The following GPR149 variants were observed in gnomAD, a reference collection of about 807,000 sequenced individuals.
GPR149 encodes G protein-coupled receptor 149.
A neutral mutation model predicts 50.2 loss-of-function variants in GPR149; 50 were observed. That is an observed-to-expected ratio of 1.00 (90% CI 0.79 to 1.26). The LOEUF (loss-of-function observed/expected upper bound fraction) is 1.26. GPR149 is among the 50% of genes most tolerant of loss of function. GPR149 has a pLI of 0.00. For missense variants in GPR149, 983 were observed against 895.4 expected (o/e 1.10, Z -1.25); for synonymous variants, 405 against 358.2 (o/e 1.13, Z -1.48).
intron 3 of GPR149, among the ~76,000 whole-genome samples, chr3:154,414,818 A>G (rs1711941363): frequency 6.6e-6 from 1 of 151,986 alleles, no homozygotes; most frequent in Non-Finnish European, 1.5e-5. Context: ...TCAAAAGAGT[A>G]AACGTCCTGC....
chr3:154,355,813 C>T (rs1178012761), intron 3 of GPR149, among the ~76,000 whole-genome samples: 2 of 151,950 alleles, frequency 1.3e-5, no homozygotes, highest in Non-Finnish European at 2.9e-5. Context: ...CCTAATTCAC[C>T]AGAATTAGGT....
At chr3:154,357,338 T>C (rs1267369579) in intron 3 of GPR149, among the ~76,000 whole-genome samples, 7 of 152,032 alleles carry the variant, frequency 4.6e-5, no homozygotes, top group African/African-American at 1.7e-4. Context: ...AAATGGGATC[T>C]AATTAAACTA....
chr3:154,367,274 A>C (rs1027837863), intron 3 of GPR149, among the ~76,000 whole-genome samples: 1 of 152,200 alleles, frequency 6.6e-6, no homozygotes, highest in African/African-American at 2.4e-5. Context: ...CTTCCCCAAG[A>C]AAGCTATAAA....
intron 3 of GPR149, among the ~76,000 whole-genome samples, chr3:154,402,006 C>A (rs140501854): frequency 6.9e-4 from 105 of 152,274 alleles, no homozygotes; most frequent in African/African-American, 2.4e-3. Context: ...AGCTGATATC[C>A]TCAGCTCCAA....
chr3:154,338,391 A>G, intron 3 of GPR149, 120 bp from the exon 4 acceptor site: 1 of 799,024 alleles, frequency 1.3e-6, no homozygotes, highest in South Asian at 2.2e-5. Flanking sequence ...TTTCCCTAGA[A>G]ACATTTTACA....
chr3:154,391,285 G>GACA (rs922630360), intron 3 of GPR149, among the ~76,000 whole-genome samples: 9 of 151,276 alleles, frequency 5.9e-5, no homozygotes, highest in African/African-American at 1.5e-4. Context: ...TATAAATCAT[G>GACA]ACATCAAGAA....
At chr3:154,421,946 C>T (rs1712158566) in intron 2 of GPR149, among the ~76,000 whole-genome samples, 2 of 151,338 alleles carry the variant, frequency 1.3e-5, no homozygotes, top group Admixed American at 1.3e-4. Context: ...AGAATACCAC[C>T]AATAAATATA....
intron 3 of GPR149, among the ~76,000 whole-genome samples, chr3:154,381,330 AAAGAAC>A (rs1714918624): frequency 6.6e-6 from 1 of 152,274 alleles, no homozygotes; most frequent in East Asian, 1.9e-4. Flanking sequence ...AAAATAACCC[AAAGAAC>A]TGATGTGTTC....
At chr3:154,341,516 C>T (rs1713799828) in intron 3 of GPR149, among the ~76,000 whole-genome samples, 1 of 150,298 alleles carries the variant, frequency 6.7e-6, no homozygotes, top group Admixed American at 6.6e-5. Context: ...TAAAAGGTAC[C>T]ATCCAAAATA....
chr3:154,374,262 C>A (rs1301476061), intron 3 of GPR149, among the ~76,000 whole-genome samples: 1 of 147,034 alleles, frequency 6.8e-6, no homozygotes, highest in Non-Finnish European at 1.5e-5. Flanking sequence ...GCAACTTCTG[C>A]CTCCTGGGTT....
chr3:154,414,612 C>T (rs1424836764), intron 3 of GPR149, among the ~76,000 whole-genome samples: 1 of 151,812 alleles, frequency 6.6e-6, no homozygotes, highest in African/African-American at 2.4e-5. Flanking sequence ...TGGCAGACAC[C>T]AATTTTATGA....
At chr3:154,371,824 C>T (rs1161786265) in intron 3 of GPR149, among the ~76,000 whole-genome samples, 1 of 152,194 alleles carries the variant, frequency 6.6e-6, no homozygotes, top group East Asian at 1.9e-4. Flanking sequence ...GGCTCCTCCC[C>T]TTTCTAGGCC....
rs1380534995 is a variant in GPR149, at chr3:154,337,865, G to A, written c.2030C>T (p.Pro677Leu). Reference sequence around the variant, plus strand: ...AATATCACCATCAGGATTACTGGTGGGCAAAAAGAGGGAGTATGAGGCTGT... The same window carrying A: ...AATATCACCATCAGGATTACTGGTGAGCAAAAAGAGGGAGTATGAGGCTGT... ...GETASYSLFL[P>L]TSNPDGDINI... Residue 677 changes from proline (P) to leucine (L), a missense_variant, in exon 4 of 4, where the codon CCC becomes CTC. By Grantham distance (98) the Pro-to-Leu change is moderately conservative. Coordinates refer to ENST00000389740, the MANE Select transcript of GPR149 (RefSeq NM_001038705.3). The A allele has an allele frequency of 1.2e-6, 2 of 1,613,116 alleles. No individual in the cohort carries two copies. The highest frequency in any genetic ancestry group is 1.7e-6 in the Non-Finnish European group (2 of 1,179,718).
chr3:154,355,275 C>T (rs904468319), intron 3 of GPR149, among the ~76,000 whole-genome samples: 5 of 152,206 alleles, frequency 3.3e-5, no homozygotes, highest in Non-Finnish European at 7.3e-5. Context: ...ATCCACCCAC[C>T]TTGGCCTCCC....
intron 3 of GPR149, among the ~76,000 whole-genome samples, chr3:154,397,416 T>G (rs1487602277): frequency 6.6e-6 from 1 of 152,176 alleles, no homozygotes; most frequent in Non-Finnish European, 1.5e-5. Flanking sequence ...TGTGCTAGAG[T>G]TGGCTCAAAC....
At chr3:154,339,962 T>G in intron 3 of GPR149, among the ~76,000 whole-genome samples, 1 of 151,790 alleles carries the variant, frequency 6.6e-6, no homozygotes, top group East Asian at 1.9e-4. Context: ...CCTAATTTTT[T>G]TGTATTTTTT....
Position 154,370,783 on chromosome 3 carries a change from C to T in GPR149, c.1624-32512G>A, listed in dbSNP as rs554381648. Among the ~76,000 whole-genome samples, 17 of 152,266 alleles carry T rather than the reference C, an allele frequency of 1.1e-4. No individual in the cohort carries two copies. In the East Asian group the frequency reaches 2.5e-3, roughly 23 times the overall value. On this transcript the variant is annotated intron_variant, in intron 3 of 3. Coordinates refer to ENST00000389740, the MANE Select transcript of GPR149 (RefSeq NM_001038705.3). ...ACTGTCCTCAAAGTCCATTACTATCCGAGGAATCTTAAGACAGCCTGTAAC... is the reference window on the plus strand; with the variant it reads ...ACTGTCCTCAAAGTCCATTACTATCTGAGGAATCTTAAGACAGCCTGTAAC...
chr3:154,405,312 GGTGT>G (rs1256808617), intron 3 of GPR149, among the ~76,000 whole-genome samples: 2 of 152,276 alleles, frequency 1.3e-5, no homozygotes, highest in Admixed American at 1.3e-4. Flanking sequence ...AATATGGCCA[GGTGT>G]GGTGGCTCAC....
chr3:154,387,777 C>CTG (rs1376186350), intron 3 of GPR149, among the ~76,000 whole-genome samples: 1 of 152,054 alleles, frequency 6.6e-6, no homozygotes, highest in East Asian at 1.9e-4. Context: ...TCCGGGCACT[C>CTG]TCCAGAGTGC....
Sources: allele counts gnomAD v4.1 joint callset (sites outside exome capture counted in the v4.1 genomes callset), GRCh38; gene constraint gnomAD v4.1.1; transcripts MANE v1.5; gene names NCBI Gene and HGNC (gene_info 2026-07-23, HGNC 2026-07-21).